The following MDN1 variants were observed in gnomAD, a reference collection of about 807,000 sequenced individuals.
MDN1 encodes midasin AAA ATPase 1, also known as midasin.
MDN1 carries 266 observed loss-of-function variants against 669.2 expected under a neutral mutation model. The observed-to-expected ratio is 0.40, with a 90% CI of 0.36 to 0.44. MDN1 has a LOEUF of 0.44. Ranked by LOEUF, MDN1 falls within the 20% of genes least tolerant of loss-of-function variation. MDN1 has a pLI of 1.00. For synonymous variants in MDN1, 2,385 were observed against 2,457.1 expected (o/e 0.97, Z 0.87); for missense variants, 5,940 against 6,754.0 (o/e 0.88, Z 4.22).
intron 27 of MDN1, among the ~76,000 whole-genome samples, chr6:89,746,928 A>AT (rs1449222171): frequency 6.6e-6 from 1 of 152,124 alleles, no homozygotes; most frequent in Non-Finnish European, 1.5e-5. Context: ...AGGTTATATA[A>AT]TTTTTTTCTC....
chr6:89,745,108 C>G (rs1449103696), intron 29 of MDN1, among the ~76,000 whole-genome samples, 165 bp downstream of exon 29: 1 of 140,676 alleles, frequency 7.1e-6, no homozygotes, highest in Non-Finnish European at 1.5e-5. Context: ...CCTCCCCCAG[C>G]CCCCGACCCA....
intron 72 of MDN1, 89 bp downstream of exon 72, chr6:89,683,742 G>T: frequency 1.1e-6 from 1 of 943,702 alleles, no homozygotes; most frequent in South Asian, 1.4e-5. Flanking sequence ...TTAATATTAA[G>T]TTAGGTTATG....
chr6:89,689,725 C>T, intron 65 of MDN1, 145 bp downstream of exon 65: 1 of 984,998 alleles, frequency 1.0e-6, no homozygotes, highest in Non-Finnish European at 1.5e-6. Flanking sequence ...CTTGAATCAG[C>T]TTCAGTTCTT....
In MDN1 at chr6:89,723,574, T is replaced by C; in HGVS notation, c.5716A>G (p.Ser1906Gly). The change falls in exon 39 of 102, where the codon AGT becomes GGT. Residue 1906 changes from serine to glycine, a missense_variant. Around this residue, in one of 5 missense-constraint regions of MDN1, gnomAD observed 2,292 missense variants for 2,638.3 expected, o/e 0.87. Coordinates refer to ENST00000369393, the MANE Select transcript of MDN1 (RefSeq NM_014611.3). ...LTVIDMEFIA[S>G]TLFPAIEKNI... is the part of the protein sequence containing the mutation. ...TTCTCAATGGCTGGAAACAAAGTACTGGCAATGAACTCCATGTCAATTACT... is the reference window on the plus strand; with the variant it reads ...TTCTCAATGGCTGGAAACAAAGTACCGGCAATGAACTCCATGTCAATTACT... The C allele has an allele frequency of 6.2e-7, 1 of 1,604,246 alleles. No individual in the cohort carries two copies. The highest frequency in any genetic ancestry group is 8.5e-7 in the Non-Finnish European group (1 of 1,174,666).
intron 94 of MDN1, 106 bp downstream of exon 94, chr6:89,652,886 A>C: frequency 8.3e-7 from 1 of 1,207,522 alleles, no homozygotes; most frequent in Non-Finnish European, 1.2e-6. Context: ...CTCAACAACC[A>C]GATGTTCCAT....
chr6:89,780,629 A>G (rs1346720148), intron 10 of MDN1, among the ~76,000 whole-genome samples: 1 of 149,112 alleles, frequency 6.7e-6, no homozygotes, highest in East Asian at 2.0e-4. Flanking sequence ...CAGAATGAGG[A>G]GATGCCATTT....
intron 29 of MDN1, among the ~76,000 whole-genome samples, chr6:89,744,292 AT>A (rs1816469758): frequency 6.6e-6 from 1 of 152,120 alleles, no homozygotes; most frequent in African/African-American, 2.4e-5. Context: ...GCAAAAAATC[AT>A]TCTTGCCAGG....
At chr6:89,792,160 G>A (rs141834643) in intron 5 of MDN1, among the ~76,000 whole-genome samples, 1 of 152,012 alleles carries the variant, frequency 6.6e-6, no homozygotes, top group East Asian at 1.9e-4. Flanking sequence ...GAGCCACTGC[G>A]CCTGGCCTTA....
intron 1 of MDN1, among the ~76,000 whole-genome samples, chr6:89,818,840 A>G (rs958612908): frequency 4.3e-5 from 6 of 138,052 alleles, no homozygotes; most frequent in African/African-American, 1.6e-4. Context: ...CAACTCAGAT[A>G]GAAGGAGTCA....
At chr6:89,764,729 C>A (rs1007306691) in intron 15 of MDN1, among the ~76,000 whole-genome samples, 3 of 152,146 alleles carry the variant, frequency 2.0e-5, no homozygotes, top group Non-Finnish European at 4.4e-5. Context: ...GAAGAAATAG[C>A]AAGCATTTAG....
At chr6:89,712,833 A>T in intron 47 of MDN1, 47 bp from the exon 48 acceptor site, 1 of 1,554,846 alleles carries the variant, frequency 6.4e-7, no homozygotes. Flanking sequence ...CATAAAAGTG[A>T]TATTCCCCAA....
At chr6:89,685,097 T>A in intron 70 of MDN1, 112 bp from the exon 71 acceptor site, 1 of 640,644 alleles carries the variant, frequency 1.6e-6, no homozygotes, top group Non-Finnish European at 2.7e-6. Context: ...CTCTATGCCA[T>A]GAGATTACAG....
At position 89,673,348 on chromosome 6, in the gene MDN1, GTC is replaced by G; in HGVS notation, c.13360_13361del (p.Asp4454LeufsTer7). The G allele has an allele frequency of 6.2e-7, 1 of 1,614,096 alleles. No homozygotes were observed. Among genetic ancestry groups the G allele is most frequent in the Non-Finnish European group, 8.5e-7 (1 of 1,180,018 alleles). Reference protein sequence around the residue: ...ILPGMEVEQRDSQMALVESLE... With the variant: ...ILPGMEVEQRXSQMALVESLE... ...GACTTTCAACTAGTGCCATTTGTGA[GTC>G]TCTTTGCTCAACCTCCATCCCTGGA... On this transcript the variant is annotated frameshift_variant, in exon 80 of 102. Transcript: ENST00000369393. LOFTEE classifies it high-confidence loss of function.
chr6:89,731,710 G>A (rs1765585576), intron 34 of MDN1, among the ~76,000 whole-genome samples: 1 of 151,890 alleles, frequency 6.6e-6, no homozygotes, highest in South Asian at 2.1e-4. Context: ...AAACCACCAT[G>A]GCACATGTAT....
intron 39 of MDN1, 55 bp from the exon 40 acceptor site, chr6:89,723,198 C>A (rs1814964299): frequency 5.3e-6 from 8 of 1,511,366 alleles, no homozygotes; most frequent in Middle Eastern, 3.5e-4. Flanking sequence ...CTAGGCACTG[C>A]ATTAAGTACT....
intron 2 of MDN1, among the ~76,000 whole-genome samples, chr6:89,798,251 C>T (rs1202097054): frequency 2.0e-5 from 3 of 151,114 alleles, no homozygotes; most frequent in Non-Finnish European, 2.9e-5. Context: ...CAGTGGCTCA[C>T]GCCTGTAATC....
intron 75 of MDN1, among the ~76,000 whole-genome samples, chr6:89,678,383 C>T (rs1046378201): frequency 6.6e-6 from 1 of 151,930 alleles, no homozygotes; most frequent in African/African-American, 2.4e-5. Context: ...TCCGAGAAAC[C>T]TCATACAAAG....
intron 92 of MDN1, 149 bp from the exon 93 acceptor site, chr6:89,654,483 G>T: frequency 1.0e-6 from 1 of 982,216 alleles, no homozygotes; most frequent in Non-Finnish European, 1.5e-6. Flanking sequence ...TTGGAGACTT[G>T]TCTGTGCACA....
At chr6:89,754,967 T>C (rs1356134298) in intron 20 of MDN1, among the ~76,000 whole-genome samples, 1 of 152,184 alleles carries the variant, frequency 6.6e-6, no homozygotes, top group Non-Finnish European at 1.5e-5. Context: ...TATTTTTGTG[T>C]AGAAAGAACC....
Sources: gnomAD v4.1 joint callset for allele counts (sites outside exome capture counted in the v4.1 genomes callset) on GRCh38, gnomAD v4.1.1 for gene constraint, gnomAD v4.1.1 regional missense constraint, MANE v1.5 for transcripts, NCBI Gene and HGNC (gene_info 2026-07-23, HGNC 2026-07-21) for gene names.